UQCRC2: variants seen among roughly 807,000 people sequenced by gnomAD.
The protein encoded by UQCRC2 is cytochrome b-c1 complex subunit 2, mitochondrial.
A neutral mutation model predicts 55.6 loss-of-function variants in UQCRC2; 49 were observed. That is an observed-to-expected ratio of 0.88 (90% confidence interval 0.70 to 1.12). The LOEUF is 1.12. Ranked by LOEUF, UQCRC2 falls within the 50% of genes most tolerant of loss-of-function variation. The probability of loss-of-function intolerance (pLI) is 0.00; values close to 1 mark genes in which losing one functional copy is unlikely to be tolerated. For synonymous variants in UQCRC2, 193 were observed against 192.0 expected (o/e 1.01, Z -0.04); for missense variants, 506 against 547.8 (o/e 0.92, Z 0.76).
chr16:21,973,872 C>T, intron 10 of UQCRC2, 24 bp from the exon 11 acceptor site: 1 of 1,604,426 alleles, frequency 6.2e-7, no homozygotes, highest in Non-Finnish European at 8.5e-7. Context: ...GAATATCATA[C>T]AGTAAAGTCT....
chr16:21,954,663 G>T (rs1004445738), intron 1 of UQCRC2, among the ~76,000 whole-genome samples: 1 of 152,136 alleles, frequency 6.6e-6, no homozygotes, highest in South Asian at 2.1e-4. Context: ...AATAAACTTA[G>T]ATATATCTTG....
At chr16:21,982,723 G>T (rs1296792715) in intron 13 of UQCRC2, among the ~76,000 whole-genome samples, 4 of 152,186 alleles carry the variant, frequency 2.6e-5, no homozygotes, top group Admixed American at 6.5e-5. Flanking sequence ...CCAGCACTTT[G>T]GGAGGTTAAG....
At chr16:21,981,012 T>TA (rs999278910) in intron 13 of UQCRC2, among the ~76,000 whole-genome samples, 1 of 152,198 alleles carries the variant, frequency 6.6e-6, no homozygotes, top group African/African-American at 2.4e-5. Context: ...AACGTTAGGT[T>TA]AAACTAATGG....
intron 8 of UQCRC2, among the ~76,000 whole-genome samples, chr16:21,970,557 G>A (rs1203841609): frequency 6.6e-6 from 1 of 152,122 alleles, no homozygotes; most frequent in Non-Finnish European, 1.5e-5. Context: ...ATATTTTCAT[G>A]TGCTTTTTGT....
Position 21,983,266 on chromosome 16 carries a change from T to C in UQCRC2, c.*95T>C. 8.9e-7 allele frequency: 1 copy of C among 1,122,394 alleles called. No homozygotes were observed. Among genetic ancestry groups the C allele is most frequent in the Non-Finnish European group, 1.3e-6 (1 of 782,740 alleles). The allele number at this position is 1,122,394 out of a possible 1,614,324, so 69.5% of individuals were successfully genotyped here. A position where few individuals can be genotyped will look rare whatever the true frequency, so the allele number is the denominator to read the frequency against. On this transcript the variant is annotated 3_prime_UTR_variant, in exon 14 of 14. Transcript: ENST00000268379. The stretch of plus-strand genomic sequence containing the variant: ...AGAAGTCTCTAATATATCATTTGTC[T>C]TTTTTCCAGTGAGGTAAAATAAGGC...
intron 13 of UQCRC2, among the ~76,000 whole-genome samples, chr16:21,981,820 C>T (rs1330512584): frequency 6.6e-6 from 1 of 151,674 alleles, no homozygotes. Flanking sequence ...TTTCACTTCG[C>T]CCCAATCGTC....
chr16:21,970,244 A>G (rs1898427372), intron 8 of UQCRC2, among the ~76,000 whole-genome samples: 1 of 152,194 alleles, frequency 6.6e-6, no homozygotes, highest in Admixed American at 6.5e-5. Context: ...TGGCTGTCGT[A>G]AATATAAACA....
intron 10 of UQCRC2, among the ~76,000 whole-genome samples, chr16:21,972,960 C>T (rs1042139764): frequency 7.2e-5 from 11 of 152,084 alleles, no homozygotes; most frequent in African/African-American, 2.4e-4. Context: ...ATTGTCTGGG[C>T]GTGGTGGCGC....
chr16:21,969,267 C>T (rs778298885), intron 8 of UQCRC2, among the ~76,000 whole-genome samples: 10 of 152,178 alleles, frequency 6.6e-5, no homozygotes, highest in Non-Finnish European at 1.2e-4. Flanking sequence ...GGCATGGTGG[C>T]TCATGCCTGT....
chr16:21,965,117 C>T (rs1188236509), intron 6 of UQCRC2, among the ~76,000 whole-genome samples: 1 of 152,172 alleles, frequency 6.6e-6, no homozygotes, highest in Non-Finnish European at 1.5e-5. Flanking sequence ...AAACCCAGGC[C>T]AGTATACCTT....
chr16:21,961,800 C>T (rs962150714), intron 4 of UQCRC2, among the ~76,000 whole-genome samples: 1 of 150,700 alleles, frequency 6.6e-6, no homozygotes, highest in Non-Finnish European at 1.5e-5. Flanking sequence ...TACAGGCGTG[C>T]GCCACCATGC....
intron 6 of UQCRC2, among the ~76,000 whole-genome samples, chr16:21,963,497 T>G: frequency 6.6e-6 from 1 of 151,334 alleles, no homozygotes; most frequent in South Asian, 2.1e-4. Flanking sequence ...TGAGACAGGG[T>G]GTTGCTTGTT....
intron 1 of UQCRC2, among the ~76,000 whole-genome samples, chr16:21,953,802 C>A (rs1041993241): frequency 5.9e-5 from 9 of 152,144 alleles, no homozygotes; most frequent in Non-Finnish European, 4.4e-5. Context: ...ACTTAGCCCC[C>A]CACCTTCACT....
At chr16:21,953,919 C>G (rs1264133883) in intron 1 of UQCRC2, among the ~76,000 whole-genome samples, 1 of 152,142 alleles carries the variant, frequency 6.6e-6, no homozygotes, top group Non-Finnish European at 1.5e-5. Context: ...TATTACAGTA[C>G]CTGGAACTTC....
rs144235436 is a variant in UQCRC2 at position 21,967,010 on chromosome 16, C to G, written c.612+1505C>G. Among the ~76,000 whole-genome samples the G allele has an allele frequency of 1.2e-4, 19 of 152,060 alleles. No individual in the cohort carries two copies. In the East Asian group the frequency reaches 3.5e-3, roughly 28 times the overall value. ...ATGGATTAGGACATACCAAAAGGTC[C>G]CTTTTTTTTAATAAAAGGTATGTAT... On this transcript the variant is annotated intron_variant, in intron 7 of 13. Coordinates refer to ENST00000268379, the MANE Select transcript of UQCRC2 (RefSeq NM_003366.4).
chr16:21,979,741 T>C (rs1393670130), intron 12 of UQCRC2, among the ~76,000 whole-genome samples: 1 of 152,174 alleles, frequency 6.6e-6, no homozygotes, highest in Non-Finnish European at 1.5e-5. Flanking sequence ...ACTGTAAACA[T>C]AGGCTACGCT....
At chr16:21,969,933 A>G (rs866632975) in intron 8 of UQCRC2, among the ~76,000 whole-genome samples, 12 of 151,926 alleles carry the variant, frequency 7.9e-5, no homozygotes, top group Middle Eastern at 6.8e-3. Context: ...GCACAGTGGC[A>G]CAATCATAGC....
intron 4 of UQCRC2, among the ~76,000 whole-genome samples, chr16:21,960,284 G>C (rs761391813): frequency 9.9e-5 from 15 of 152,226 alleles, no homozygotes; most frequent in Non-Finnish European, 2.2e-4. Flanking sequence ...GCTTCACTGT[G>C]TACTATTATA....
intron 1 of UQCRC2, among the ~76,000 whole-genome samples, chr16:21,955,252 G>A (rs1393155571): frequency 1.3e-5 from 2 of 152,074 alleles, no homozygotes; most frequent in Non-Finnish European, 2.9e-5. Context: ...ACCATACCCA[G>A]CAAACTAAAT....
Sources: gnomAD v4.1 joint callset for allele counts (sites outside exome capture counted in the v4.1 genomes callset) on GRCh38, gnomAD v4.1.1 for gene constraint, MANE v1.5 for transcripts, NCBI Gene and HGNC (gene_info 2026-07-23, HGNC 2026-07-21) for gene names.